The following ARNT2 variants were observed in gnomAD, a reference collection of about 807,000 sequenced individuals.
The protein encoded by ARNT2 is ARNT protein 2.
Under a neutral mutation model 91.7 loss-of-function variants are expected in ARNT2, and 36 were observed. That is an observed-to-expected ratio of 0.39 (90% CI 0.30 to 0.52). The LOEUF is 0.52. Ranked by LOEUF, ARNT2 falls within the 20% of genes least tolerant of loss-of-function variation. ARNT2 has a pLI of 0.72. For synonymous variants in ARNT2, 365 were observed against 347.1 expected, an observed-to-expected ratio of 1.05 and a Z score of -0.57; for missense variants, 775 against 939.3, an observed-to-expected ratio of 0.83 and a Z score of 2.29.
At chr15:80,406,670 G>A (rs963063169) in intron 1 of ARNT2, among the ~76,000 whole-genome samples, 4 of 152,178 alleles carry the variant, frequency 2.6e-5, no homozygotes, top group African/African-American at 7.2e-5. Flanking sequence ...CTTGGACTGC[G>A]GGAGACTTGA....
At chr15:80,581,544 T>G in intron 17 of ARNT2, 140 bp downstream of exon 17, 1 of 1,105,470 alleles carries the variant, frequency 9.0e-7, no homozygotes, top group South Asian at 1.5e-5. Context: ...CCTCTCTCTC[T>G]GGCTATGAGG....
intron 1 of ARNT2, among the ~76,000 whole-genome samples, chr15:80,422,992 G>A (rs78785899): frequency 0.04 from 6,048 of 152,120 alleles, 168 homozygotes; most frequent in South Asian, 0.087. Flanking sequence ...CCTAACTTAC[G>A]TATCATACTT....
chr15:80,429,919 C>T (rs982001170), intron 1 of ARNT2, among the ~76,000 whole-genome samples: 1 of 152,164 alleles, frequency 6.6e-6, no homozygotes, highest in Non-Finnish European at 1.5e-5. Context: ...ACCCTGGCAC[C>T]CCCACCAGGT....
chr15:80,435,128 T>TA (rs1896067725), intron 1 of ARNT2, among the ~76,000 whole-genome samples: 1 of 152,174 alleles, frequency 6.6e-6, no homozygotes, highest in East Asian at 1.9e-4. Context: ...TGTCTGCAGA[T>TA]ACAGCCAACA....
At chr15:80,524,614 C>T (rs747797609) in intron 8 of ARNT2, among the ~76,000 whole-genome samples, 32 of 152,158 alleles carry the variant, frequency 2.1e-4, no homozygotes, top group Non-Finnish European at 3.7e-4. Flanking sequence ...CAGTGGCTCA[C>T]ACCTGTAATC....
intron 6 of ARNT2, among the ~76,000 whole-genome samples, chr15:80,511,293 G>A (rs762025612): frequency 4.6e-5 from 7 of 152,106 alleles, no homozygotes; most frequent in South Asian, 4.1e-4. Flanking sequence ...ACCAAATACC[G>A]CATATTCTCA....
At chr15:80,501,682 G>A (rs370617974) in intron 5 of ARNT2, among the ~76,000 whole-genome samples, 1 of 152,326 alleles carries the variant, frequency 6.6e-6, no homozygotes, top group Non-Finnish European at 1.5e-5. Context: ...GCGGCTCTCT[G>A]TGCCGGGAGC....
At position 80,595,018 on chromosome 15, in the gene ARNT2, G is replaced by C. The variant is rs959467324; in HGVS notation, c.*1320G>C. On this transcript the variant is annotated 3_prime_UTR_variant, in exon 19 of 19. Transcript: ENST00000303329. ...GAGCTGACTCTAGAATCTTCTGCCT[G>C]GCTGACCTCTGAGCCCATGATCCCT... The C allele has an allele frequency of 5.9e-5, 9 of 152,232 alleles. No individual in the cohort carries two copies. Among genetic ancestry groups the C allele is most frequent in the African/African-American group, 2.2e-4 (9 of 41,440 alleles). The allele number at this position is 152,232 out of a possible 1,614,324, so 9.4% of individuals were successfully genotyped here.
At position 80,595,915 on chromosome 15, in the gene ARNT2, A is replaced by G. The variant is rs1011296894; in HGVS notation, c.*2217A>G. 3 of 152,244 alleles carry G rather than the reference A, an allele frequency of 2.0e-5. No homozygotes were observed. Among genetic ancestry groups the G allele is most frequent in the Non-Finnish European group, 4.4e-5 (3 of 68,034 alleles). The allele number at this position is 152,244 out of a possible 1,614,324, so 9.4% of individuals were successfully genotyped here. On this transcript the variant is annotated 3_prime_UTR_variant, in exon 19 of 19. Transcript: ENST00000303329. The stretch of plus-strand genomic sequence containing the variant: ...AAAAAGGCACAAAAATAGGTTTTGG[A>G]TCAAAGAAGTGTTTCTCAGTGAAAT...
intron 5 of ARNT2, among the ~76,000 whole-genome samples, chr15:80,492,463 T>C (rs975522235): frequency 6.6e-6 from 1 of 152,234 alleles, no homozygotes; most frequent in African/African-American, 2.4e-5. Context: ...AGAACTATTC[T>C]ATAGATTTTA....
chr15:80,558,121 T>G (rs974403788), intron 11 of ARNT2, among the ~76,000 whole-genome samples: 5 of 152,172 alleles, frequency 3.3e-5, no homozygotes, highest in African/African-American at 1.2e-4. Context: ...TTCACATTAC[T>G]GACATCTTAT....
At chr15:80,487,629 T>G in intron 5 of ARNT2, 1 of 152,322 alleles carries the variant, frequency 6.6e-6, no homozygotes, top group Non-Finnish European at 1.5e-5. Context: ...TACTTGACCA[T>G]TGTGCCTACA....
chr15:80,580,962 T>G, intron 16 of ARNT2: 1 of 524,420 alleles, frequency 1.9e-6, no homozygotes, highest in Non-Finnish European at 3.4e-6. Context: ...TTCTAGGTGT[T>G]CATAATGCCA....
chr15:80,507,664 G>A (rs1037709534), intron 5 of ARNT2, among the ~76,000 whole-genome samples: 19 of 152,202 alleles, frequency 1.2e-4, no homozygotes, highest in Admixed American at 3.3e-4. Flanking sequence ...GCTGAGGTTG[G>A]AGCCTCCAGG....
At position 80,596,513 on chromosome 15, in the gene ARNT2, T is replaced by C. The variant is rs887949329; in HGVS notation, c.*2815T>C. ...AGAATTAAAGCCCCAGAGGATTTAA[T>C]TATCCTGGTTTGCAAAAGAGCCTCC... On this transcript the variant is annotated 3_prime_UTR_variant, in exon 19 of 19. Coordinates refer to ENST00000303329, the MANE Select transcript of ARNT2 (RefSeq NM_014862.4). 4.6e-5 allele frequency: 7 copies of C among 152,274 alleles called. No individual in the cohort carries two copies. The highest frequency in any genetic ancestry group is 1.7e-4 in the African/African-American group (7 of 41,550). The allele number at this position is 152,274 out of a possible 1,614,324, so 9.4% of individuals were successfully genotyped here.
At chr15:80,545,392 T>G (rs1171856499) in intron 8 of ARNT2, among the ~76,000 whole-genome samples, 1 of 152,164 alleles carries the variant, frequency 6.6e-6, no homozygotes, top group African/African-American at 2.4e-5. Flanking sequence ...TGACTGGTAT[T>G]TGGTGTTTGG....
intron 15 of ARNT2, among the ~76,000 whole-genome samples, chr15:80,577,997 T>TG (rs1235204522): frequency 6.6e-6 from 1 of 152,210 alleles, no homozygotes; most frequent in African/African-American, 2.4e-5. Context: ...CACGCTGCTC[T>TG]GCTGAGCAAT....
chr15:80,527,902 C>T (rs1897664079), intron 8 of ARNT2, among the ~76,000 whole-genome samples: 1 of 152,086 alleles, frequency 6.6e-6, no homozygotes, highest in Non-Finnish European at 1.5e-5. Flanking sequence ...GGGAGGGGGC[C>T]TTGTGTGCTA....
At chr15:80,458,179 T>C (rs541463607) in intron 3 of ARNT2, among the ~76,000 whole-genome samples, 4 of 152,220 alleles carry the variant, frequency 2.6e-5, no homozygotes, top group Middle Eastern at 3.4e-3. Flanking sequence ...GATCAAAAGG[T>C]AAGTAATAAG....
Sources: gnomAD v4.1 joint callset for allele counts (sites outside exome capture counted in the v4.1 genomes callset) on GRCh38, gnomAD v4.1.1 for gene constraint, MANE v1.5 for transcripts, NCBI Gene and HGNC (gene_info 2026-07-23, HGNC 2026-07-21) for gene names.